Variants in TENM1 observed in about 807,000 individuals in gnomAD.
The protein encoded by TENM1 is teneurin-1.
A neutral mutation model predicts 174.8 loss-of-function variants in TENM1; 35 were observed. That is an observed-to-expected ratio of 0.20 (90% CI 0.15 to 0.27). TENM1 has a LOEUF of 0.27. Ranked by LOEUF, TENM1 falls within the 10% of genes least tolerant of loss-of-function variation. The pLI, the probability that TENM1 is intolerant of heterozygous loss-of-function variation, is 1.00. For missense variants in TENM1, 1,633 were observed against 2,130.1 expected, an observed-to-expected ratio of 0.77 and a Z score of 4.59; for synonymous variants, 781 against 798.7, an observed-to-expected ratio of 0.98 and a Z score of 0.37.
intron 3 of TENM1, among the ~76,000 whole-genome samples, chrX:124,759,946 C>A (rs2054366369): frequency 9.0e-6 from 1 of 111,562 alleles, no homozygotes; most frequent in Non-Finnish European, 1.9e-5. Flanking sequence ...GAGTCCCCGG[C>A]AAAACCCTGC....
At chrX:125,037,358 C>G in the TENM1 span, among the ~76,000 whole-genome samples, 1 of 110,436 alleles carries the variant, frequency 9.1e-6, no homozygotes, top group South Asian at 3.9e-4. Flanking sequence ...AGATGCAAAA[C>G]ATAATAACCT....
intron 27 of TENM1, among the ~76,000 whole-genome samples, chrX:124,401,345 T>C (rs1392975144): frequency 8.9e-6 from 1 of 111,748 alleles, no homozygotes; most frequent in Non-Finnish European, 1.9e-5. Flanking sequence ...AACCACACTT[T>C]TGTGTGGGTT....
At chrX:124,660,540 A>C (rs2148412563) in intron 6 of TENM1, among the ~76,000 whole-genome samples, 1 of 111,870 alleles carries the variant, frequency 8.9e-6, no homozygotes, top group South Asian at 3.8e-4. Context: ...TAAAAAGTTA[A>C]ATAATTGAAA....
chrX:124,531,071 A>G (rs1260330863), intron 15 of TENM1, among the ~76,000 whole-genome samples: 1 of 107,268 alleles, frequency 9.3e-6, no homozygotes, highest in Non-Finnish European at 1.9e-5. Flanking sequence ...TGGAGCTGGC[A>G]GGGTTGAGGA....
intron 3 of TENM1, among the ~76,000 whole-genome samples, chrX:124,794,372 A>C: frequency 9.0e-6 from 1 of 111,588 alleles, no homozygotes; most frequent in Admixed American, 9.5e-5. Flanking sequence ...TATTTTCACT[A>C]TGCCCTTTTG....
the TENM1 span, among the ~76,000 whole-genome samples, chrX:125,021,722 G>C: frequency 8.9e-6 from 1 of 112,204 alleles, no homozygotes; most frequent in Non-Finnish European, 1.9e-5. Context: ...TGGTTGTGTT[G>C]CAATAAAGCT....
chrX:124,722,157 G>C (rs1164523797), intron 4 of TENM1, among the ~76,000 whole-genome samples: 1 of 112,242 alleles, frequency 8.9e-6, no homozygotes, highest in Non-Finnish European at 1.9e-5. Flanking sequence ...AAAAATATCA[G>C]ATTGTGACTA....
chrX:124,377,994 T>C (rs937031688), exon 32 of TENM1: 31 of 110,529 alleles, frequency 2.8e-4, no homozygotes, highest in Admixed American at 6.8e-4. Flanking sequence ...GTAGTTTTGT[T>C]TTTTTTTTCT....
chrX:125,134,670 C>G, the TENM1 span, among the ~76,000 whole-genome samples: 2 of 112,294 alleles, frequency 1.8e-5, no homozygotes, highest in Non-Finnish European at 3.8e-5. Flanking sequence ...ACACAGTGAT[C>G]CACACAACCT....
intron 24 of TENM1, 23 bp downstream of exon 27, chrX:124,422,249 G>A: frequency 2.5e-6 from 3 of 1,186,542 alleles, no homozygotes; most frequent in Non-Finnish European, 3.4e-6. Flanking sequence ...GGGGAAGCTG[G>A]TGAATTGCTA....
chrX:124,899,774 T>C (rs1328432319), intron 1 of TENM1, among the ~76,000 whole-genome samples: 1 of 111,451 alleles, frequency 9.0e-6, no homozygotes, highest in Non-Finnish European at 1.9e-5. Context: ...CAACAAACAA[T>C]AGAGGTGGCC....
intron 3 of TENM1, among the ~76,000 whole-genome samples, chrX:124,754,122 C>T (rs1362080624): frequency 2.7e-5 from 3 of 111,334 alleles, no homozygotes; most frequent in Non-Finnish European, 3.8e-5. Context: ...TGGTCCTGGA[C>T]TCTTTTCGTT....
At chrX:124,839,516 G>A (rs1405429861) in intron 3 of TENM1, among the ~76,000 whole-genome samples, 1 of 111,674 alleles carries the variant, frequency 9.0e-6, no homozygotes, top group Non-Finnish European at 1.9e-5. Context: ...CAGAAAAAGT[G>A]TATGTGTGCG....
the TENM1 span, among the ~76,000 whole-genome samples, chrX:125,101,085 T>C: frequency 9.0e-6 from 1 of 111,699 alleles, no homozygotes; most frequent in Non-Finnish European, 1.9e-5. Flanking sequence ...AGTCTTAGCA[T>C]AGAGATTCAA....
intron 20 of TENM1, among the ~76,000 whole-genome samples, chrX:124,496,757 T>C (rs1433342817): frequency 9.0e-6 from 1 of 111,641 alleles, no homozygotes; most frequent in Non-Finnish European, 1.9e-5. Flanking sequence ...CATGTCAGTG[T>C]CAGCACTGTT....
At chrX:125,132,075 G>A in the TENM1 span, among the ~76,000 whole-genome samples, 406 of 112,112 alleles carry the variant, frequency 3.6e-3, 3 homozygotes, top group African/African-American at 0.012. Flanking sequence ...ACAGTTAAGC[G>A]TGTTTTTCAT....
At chrX:124,804,233 C>CA (rs778855504) in intron 3 of TENM1, among the ~76,000 whole-genome samples, 104 of 111,670 alleles carry the variant, frequency 9.3e-4, no homozygotes, top group African/African-American at 3.1e-3. Flanking sequence ...CATATTTCAC[C>CA]ATTCTCAAAA....
intron 25 of TENM1, among the ~76,000 whole-genome samples, chrX:124,413,661 A>G (rs1322421627): frequency 8.9e-6 from 1 of 112,443 alleles, no homozygotes; most frequent in Non-Finnish European, 1.9e-5. Flanking sequence ...TATCAAGGGC[A>G]TAAAGCACAA....
intron 3 of TENM1, among the ~76,000 whole-genome samples, chrX:124,744,891 C>T (rs2053880604): frequency 8.9e-6 from 1 of 111,771 alleles, no homozygotes; most frequent in African/African-American, 3.2e-5. Flanking sequence ...ATGCAAATCG[C>T]TCCAATGTTA....
Sources: gnomAD v4.1 joint callset for allele counts (sites outside exome capture counted in the v4.1 genomes callset) on GRCh38, gnomAD v4.1.1 for gene constraint, MANE v1.5 for transcripts, NCBI Gene and HGNC (gene_info 2026-07-23, HGNC 2026-07-21) for gene names.